FAM135B: variants seen among roughly 807,000 people sequenced by gnomAD.
FAM135B encodes family with sequence similarity 135 member B, also known as protein FAM135B.
Under a neutral mutation model 127.7 loss-of-function variants are expected in FAM135B, and 43 were observed. The ratio of observed to expected loss-of-function variants is 0.34; its 90% CI spans 0.26 to 0.43. The LOEUF (loss-of-function observed/expected upper bound fraction) is 0.43, where lower values mean the gene tolerates loss of function less well. FAM135B is among the 20% of genes least tolerant of loss of function. FAM135B has a pLI of 1.00. For missense variants in FAM135B, 1,558 were observed against 1,725.6 expected, an observed-to-expected ratio of 0.90 and a Z score of 1.72; for synonymous variants, 670 against 665.1, an observed-to-expected ratio of 1.01 and a Z score of -0.11.
intron 1 of FAM135B, among the ~76,000 whole-genome samples, chr8:138,425,211 T>C (rs1049232328): frequency 1.3e-5 from 2 of 152,192 alleles, no homozygotes; most frequent in Non-Finnish European, 2.9e-5. Context: ...ATTATATACA[T>C]GGATACATTT....
intron 2 of FAM135B, among the ~76,000 whole-genome samples, chr8:138,341,282 T>G (rs931846177): frequency 1.3e-5 from 2 of 152,212 alleles, no homozygotes; most frequent in African/African-American, 4.8e-5. Context: ...TTGAGGACAT[T>G]GTTGCCAAGC....
intron 2 of FAM135B, among the ~76,000 whole-genome samples, chr8:138,329,596 C>A (rs1828031644): frequency 1.3e-5 from 2 of 152,082 alleles, no homozygotes; most frequent in Non-Finnish European, 2.9e-5. Flanking sequence ...ACCAAAAGAT[C>A]ACACATGCAG....
At chr8:138,442,751 C>T (rs370650829) in intron 1 of FAM135B, among the ~76,000 whole-genome samples, 1 of 152,062 alleles carries the variant, frequency 6.6e-6, no homozygotes, top group East Asian at 1.9e-4. Flanking sequence ...TCCAAGCAAA[C>T]CACATTGTAT....
At chr8:138,211,824 T>C (rs1011442293) in intron 7 of FAM135B, among the ~76,000 whole-genome samples, 2 of 152,144 alleles carry the variant, frequency 1.3e-5, no homozygotes, top group Admixed American at 1.3e-4. Context: ...TCCCAGCACT[T>C]TGGGAGGCTG....
intron 15 of FAM135B, 110 bp downstream of exon 15, chr8:138,145,849 C>T (rs1009384204): frequency 3.2e-6 from 2 of 616,446 alleles, no homozygotes; most frequent in Non-Finnish European, 5.8e-6. Flanking sequence ...CATCTCTTTT[C>T]AAGGTCTCCT....
At chr8:138,218,957 C>G (rs1274790954) in intron 7 of FAM135B, among the ~76,000 whole-genome samples, 1 of 152,164 alleles carries the variant, frequency 6.6e-6, no homozygotes, top group African/African-American at 2.4e-5. Context: ...TTCTAAAATT[C>G]CAACAATAAA....
At chr8:138,248,823 C>CA (rs10639016) in intron 6 of FAM135B, among the ~76,000 whole-genome samples, 9,657 of 128,652 alleles carry the variant, frequency 0.075, 597 homozygotes, top group Admixed American at 0.15. Context: ...GACGCTGTCT[C>CA]AAAAAAAAAA....
intron 8 of FAM135B, among the ~76,000 whole-genome samples, chr8:138,197,111 GTGTGTGTATA>G (rs763168481): frequency 0.014 from 607 of 41,900 alleles, 4 homozygotes; most frequent in East Asian, 0.1. Flanking sequence ...GTGTGTGTGT[GTGTGTGTATA>G]TATATAGTTT....
intron 1 of FAM135B, chr8:138,441,317 A>C (rs1835750854): frequency 6.6e-6 from 1 of 152,226 alleles, no homozygotes; most frequent in African/African-American, 2.4e-5. Context: ...ATAAGGCTGA[A>C]AATCAGAACT....
chr8:138,341,747 T>C (rs912807202), intron 2 of FAM135B, among the ~76,000 whole-genome samples: 1 of 152,132 alleles, frequency 6.6e-6, no homozygotes, highest in Non-Finnish European at 1.5e-5. Flanking sequence ...ATTAGATGCC[T>C]GTCCCCTGCA....
At chr8:138,317,353 G>A (rs1215938753) in intron 2 of FAM135B, among the ~76,000 whole-genome samples, 4 of 152,168 alleles carry the variant, frequency 2.6e-5, no homozygotes, top group African/African-American at 9.7e-5. Flanking sequence ...GTTGGGGAGT[G>A]GATGGGAGAG....
chr8:138,374,657 G>T (rs975825117), intron 1 of FAM135B, among the ~76,000 whole-genome samples: 5 of 152,202 alleles, frequency 3.3e-5, no homozygotes, highest in African/African-American at 1.2e-4. Flanking sequence ...CAAAGCAACA[G>T]AAACTAAGAC....
intron 1 of FAM135B, among the ~76,000 whole-genome samples, chr8:138,458,764 T>C (rs1326400614): frequency 1.3e-5 from 2 of 152,202 alleles, no homozygotes; most frequent in East Asian, 1.9e-4. Context: ...ATACCATCTA[T>C]CTAGCCCTTT....
intron 15 of FAM135B, among the ~76,000 whole-genome samples, chr8:138,143,379 G>A (rs962255337): frequency 5.9e-5 from 9 of 152,190 alleles, no homozygotes; most frequent in East Asian, 1.9e-4. Context: ...GCCACACCAC[G>A]TGCCTGGCGT....
chr8:138,390,885 G>T (rs1203736404), intron 1 of FAM135B, among the ~76,000 whole-genome samples: 1 of 152,096 alleles, frequency 6.6e-6, no homozygotes, highest in Non-Finnish European at 1.5e-5. Context: ...TGGAAACTCT[G>T]CCCTTCAGAA....
intron 1 of FAM135B, among the ~76,000 whole-genome samples, chr8:138,495,552 T>A (rs369246018): frequency 1.2e-4 from 18 of 152,288 alleles, no homozygotes; most frequent in African/African-American, 4.3e-4. Flanking sequence ...GGCCACGATA[T>A]AAAGGAAGAG....
chr8:138,201,753 G>GATC (rs1286571638), intron 7 of FAM135B, among the ~76,000 whole-genome samples: 1 of 152,178 alleles, frequency 6.6e-6, no homozygotes, highest in Non-Finnish European at 1.5e-5. Flanking sequence ...CAGGCAGGCA[G>GATC]ATCATTACAT....
At chr8:138,350,651 G>T (rs1829721517) in intron 2 of FAM135B, among the ~76,000 whole-genome samples, 1 of 152,152 alleles carries the variant, frequency 6.6e-6, no homozygotes, top group Non-Finnish European at 1.5e-5. Context: ...AACAGAAAAG[G>T]CCTTGATTAG....
chr8:138,356,275 A>G (rs1830083754), intron 2 of FAM135B, among the ~76,000 whole-genome samples: 1 of 11,460 alleles, frequency 8.7e-5, no homozygotes, highest in South Asian at 9.6e-3. Context: ...AGAGAGAGAG[A>G]GAGAGAGAAA....
Sources: gnomAD v4.1 joint callset for allele counts (sites outside exome capture counted in the v4.1 genomes callset) on GRCh38, gnomAD v4.1.1 for gene constraint, MANE v1.5 for transcripts, NCBI Gene and HGNC (gene_info 2026-07-23, HGNC 2026-07-21) for gene names.